Variants in PSD2 observed in about 807,000 individuals in gnomAD.
The protein encoded by PSD2 is PH and SEC7 domain-containing protein 2.
A neutral mutation model predicts 69.8 loss-of-function variants in PSD2; 38 were observed. The observed-to-expected ratio is 0.54, with a 90% confidence interval of 0.42 to 0.71. The LOEUF (loss-of-function observed/expected upper bound fraction) is 0.71, where lower values mean the gene tolerates loss of function less well. PSD2 is among the 30% of genes least tolerant of loss of function. The pLI is 0.00. For missense variants in PSD2, 943 were observed against 1,014.5 expected, an observed-to-expected ratio of 0.93 and a Z score of 0.96; for synonymous variants, 412 against 423.0, an observed-to-expected ratio of 0.97 and a Z score of 0.32.
chr5:139,773,858 T>C, the PSD2 span, among the ~76,000 whole-genome samples: 1 of 152,168 alleles, frequency 6.6e-6, no homozygotes, highest in East Asian at 1.9e-4. Context: ...GTGGATCATA[T>C]AATTTTATTT....
chr5:139,815,124 G>A (rs1196461002), intron 4 of PSD2, among the ~76,000 whole-genome samples: 2 of 152,142 alleles, frequency 1.3e-5, no homozygotes, highest in Non-Finnish European at 2.9e-5. Context: ...ATGCAGGCTA[G>A]GCCTCAGGAT....
chr5:139,753,785 T>C, the PSD2 span, among the ~76,000 whole-genome samples: 1 of 151,858 alleles, frequency 6.6e-6, no homozygotes, highest in African/African-American at 2.4e-5. Flanking sequence ...GAAAGGCTCC[T>C]TGGAAAGGCT....
At chr5:139,753,168 C>A in the PSD2 span, among the ~76,000 whole-genome samples, 2 of 152,186 alleles carry the variant, frequency 1.3e-5, no homozygotes, top group African/African-American at 4.8e-5. Context: ...TTAGAGACAG[C>A]CAGGACCCTG....
intron 7 of PSD2, among the ~76,000 whole-genome samples, chr5:139,823,451 C>A (rs1166606916): frequency 6.6e-6 from 1 of 152,188 alleles, no homozygotes; most frequent in African/African-American, 2.4e-5. Context: ...GTTGGAGCCC[C>A]CTGCTAGGTA....
chr5:139,822,769 G>C lies in PSD2; in HGVS notation c.1254G>C (p.Thr418=). The change falls in exon 7 of 15, where the codon ACG becomes ACC. Residue 418 remains threonine, a synonymous_variant. Coordinates refer to ENST00000274710, the MANE Select transcript of PSD2 (RefSeq NM_032289.4). ...CCTGTGCCCTGATGCTGCTCAACAC[G>C]GACCTGCACGGCCACGTGAGTTGGG... ...TLTCALMLLN[T]DLHGHNIGKK... 6.2e-7 allele frequency: 1 copy of C among 1,609,234 alleles called. No individual in the cohort carries two copies. Among genetic ancestry groups the C allele is most frequent in the Non-Finnish European group, 8.5e-7 (1 of 1,177,608 alleles).
the PSD2 span, among the ~76,000 whole-genome samples, chr5:139,770,944 A>T: frequency 6.6e-6 from 1 of 152,238 alleles, no homozygotes; most frequent in African/African-American, 2.4e-5. Context: ...TAAAACTGAC[A>T]TTGCACAATA....
the PSD2 span, among the ~76,000 whole-genome samples, chr5:139,753,867 G>A: frequency 6.7e-6 from 1 of 148,752 alleles, no homozygotes; most frequent in Non-Finnish European, 1.5e-5. Flanking sequence ...ATGGAGTTTC[G>A]CTCTTGTTGC....
the PSD2 span, among the ~76,000 whole-genome samples, chr5:139,759,156 A>T: frequency 6.6e-6 from 1 of 151,850 alleles, no homozygotes; most frequent in Admixed American, 6.6e-5. Context: ...GGCCTCCCCC[A>T]TTCTCCGTCT....
Position 139,842,777 on chromosome 5 carries a change from G to T in PSD2, c.*303G>T. On this transcript the variant is annotated 3_prime_UTR_variant, in exon 15 of 15. Coordinates refer to ENST00000274710, the MANE Select transcript of PSD2 (RefSeq NM_032289.4). The stretch of plus-strand genomic sequence containing the variant: ...CACCACCTCGCTGGAGAAGCTGGAA[G>T]GGCTGTTGTCTTCCCAGGTCTTTCT... 1 of 315,886 alleles carries T rather than the reference G, an allele frequency of 3.2e-6. No individual in the cohort carries two copies. 19.6% of individuals were successfully genotyped at this position (315,886 alleles called of 1,614,324 possible).
intron 7 of PSD2, among the ~76,000 whole-genome samples, chr5:139,831,607 C>G (rs998190167): frequency 2.6e-5 from 4 of 152,184 alleles, no homozygotes; most frequent in African/African-American, 9.7e-5. Flanking sequence ...ACTTGTACCA[C>G]TTCCTGGGCA....
chr5:139,816,011 A>AAAG (rs946031095), intron 4 of PSD2, among the ~76,000 whole-genome samples: 2 of 151,284 alleles, frequency 1.3e-5, no homozygotes, highest in African/African-American at 4.9e-5. Flanking sequence ...AAAAAAAAAA[A>AAAG]AAAAAGAAAA....
chr5:139,814,031 C>G lies in PSD2; in HGVS notation c.822-139C>G. 1.2e-6 allele frequency: 1 copy of G among 825,390 alleles called. No homozygotes were observed. The highest frequency in any genetic ancestry group is 1.9e-6 in the Non-Finnish European group (1 of 513,004). 51.1% of individuals were successfully genotyped at this position (825,390 alleles called of 1,614,324 possible). A position where few individuals can be genotyped will look rare whatever the true frequency, so the allele number is the denominator to read the frequency against. Reference sequence around the variant, plus strand: ...TTCTTCTGAAAGTCTGATTTCATTCCCTCCGGCTGCAGTGGAGCTTCTTTC... The same window carrying G: ...TTCTTCTGAAAGTCTGATTTCATTCGCTCCGGCTGCAGTGGAGCTTCTTTC... On this transcript the variant is annotated intron_variant, in intron 3 of 14. Coordinates refer to ENST00000274710, the MANE Select transcript of PSD2 (RefSeq NM_032289.4). This position sits in a 1 kb window ranked among gnomAD's most constrained non-coding sequence, Gnocchi z 4.4.
the PSD2 span, among the ~76,000 whole-genome samples, chr5:139,749,874 C>T: frequency 1.2e-3 from 185 of 151,908 alleles, 5 homozygotes; most frequent in East Asian, 0.033. Flanking sequence ...AAATGAAAAA[C>T]ACCAAAAATT....
At chr5:139,746,764 CG>C in the PSD2 span, among the ~76,000 whole-genome samples, 1 of 152,218 alleles carries the variant, frequency 6.6e-6, no homozygotes, top group Admixed American at 6.5e-5. The surrounding 1 kb of genome is among the most constrained non-coding windows in gnomAD (Gnocchi z 4.5). Context: ...TCCCCAACCC[CG>C]CCATTCCCTT....
At chr5:139,761,436 C>T in the PSD2 span, among the ~76,000 whole-genome samples, 1 of 152,184 alleles carries the variant, frequency 6.6e-6, no homozygotes, top group African/African-American at 2.4e-5. Context: ...CTGTCAGGGT[C>T]TCCATGCTTC....
At position 139,842,664 on chromosome 5, in the gene PSD2, C is replaced by G. The variant is rs1475738614; in HGVS notation, c.*190C>G. 3.4e-6 allele frequency: 2 copies of G among 590,840 alleles called. No homozygotes were observed. The highest frequency in any genetic ancestry group is 6.0e-6 in the Non-Finnish European group (2 of 333,130). The allele number at this position is 590,840 out of a possible 1,614,324, so 36.6% of individuals were successfully genotyped here. A position where few individuals can be genotyped will look rare whatever the true frequency, so the allele number is the denominator to read the frequency against. ...TTGATCTCCTTGCGTCCTTGGGCAT[C>G]TCCGGGCATCAGACCCTCTCCCTGG... On this transcript the variant is annotated 3_prime_UTR_variant, in exon 15 of 15. Coordinates refer to ENST00000274710, the MANE Select transcript of PSD2 (RefSeq NM_032289.4).
the PSD2 span, among the ~76,000 whole-genome samples, chr5:139,747,609 G>A: frequency 6.6e-6 from 1 of 152,226 alleles, no homozygotes; most frequent in Non-Finnish European, 1.5e-5. The surrounding 1 kb of genome is among the most constrained non-coding windows in gnomAD (Gnocchi z 6.7). Context: ...GCCCAAAGGG[G>A]GCTCTGAGCG....
chr5:139,747,813 G>A, the PSD2 span, among the ~76,000 whole-genome samples: 1 of 152,202 alleles, frequency 6.6e-6, no homozygotes, highest in Non-Finnish European at 1.5e-5. The surrounding 1 kb of genome is among the most constrained non-coding windows in gnomAD (Gnocchi z 6.7). Flanking sequence ...TTTCCAATAC[G>A]ACAGCATCGC....
At chr5:139,752,936 C>G in the PSD2 span, among the ~76,000 whole-genome samples, 244 of 152,250 alleles carry the variant, frequency 1.6e-3, 2 homozygotes, top group African/African-American at 5.6e-3. Flanking sequence ...CCAACCCCTC[C>G]GCCCCCTACC....
Sources: gnomAD v4.1 joint callset for allele counts (sites outside exome capture counted in the v4.1 genomes callset) on GRCh38, gnomAD v4.1.1 for gene constraint, Gnocchi (gnomAD v3.1) non-coding constraint, MANE v1.5 for transcripts, NCBI Gene and HGNC (gene_info 2026-07-23, HGNC 2026-07-21) for gene names.